The following ENPEP variants were observed in gnomAD, a reference collection of about 807,000 sequenced individuals.
ENPEP encodes the protein glutamyl aminopeptidase.
ENPEP carries 103 observed loss-of-function variants against 114.5 expected under a neutral mutation model. The ratio of observed to expected loss-of-function variants is 0.90; its 90% CI spans 0.77 to 1.06. The LOEUF (loss-of-function observed/expected upper bound fraction) is 1.06, where lower values mean the gene tolerates loss of function less well. ENPEP is among the 50% of genes least tolerant of loss of function. ENPEP has a pLI of 0.00. For missense variants in ENPEP, 1,196 were observed against 1,161.3 expected, an observed-to-expected ratio of 1.03 and a Z score of -0.43; for synonymous variants, 420 against 422.0, an observed-to-expected ratio of 1.00 and a Z score of 0.06.
chr4:110,488,885 G>A (rs1578391593), intron 2 of ENPEP, among the ~76,000 whole-genome samples: 1 of 152,136 alleles, frequency 6.6e-6, no homozygotes, highest in Non-Finnish European at 1.5e-5. Flanking sequence ...CAGTAAGAAA[G>A]CCAGATTGGT....
chr4:110,537,645 A>G (rs912422558), intron 11 of ENPEP, among the ~76,000 whole-genome samples: 1 of 152,218 alleles, frequency 6.6e-6, no homozygotes, highest in Admixed American at 6.5e-5. Flanking sequence ...CTTATGAATC[A>G]TGAATGTTCT....
intron 1 of ENPEP, among the ~76,000 whole-genome samples, chr4:110,486,085 T>C (rs1348088174): frequency 6.6e-6 from 1 of 152,208 alleles, no homozygotes; most frequent in Non-Finnish European, 1.5e-5. Flanking sequence ...CTGATGATTT[T>C]TTAAAATAAT....
chr4:110,507,007 C>T (rs1044878144), intron 4 of ENPEP, among the ~76,000 whole-genome samples: 3 of 152,126 alleles, frequency 2.0e-5, no homozygotes, highest in African/African-American at 7.2e-5. Flanking sequence ...CTTGTGTTTC[C>T]AAATAAAGAT....
intron 11 of ENPEP, among the ~76,000 whole-genome samples, chr4:110,534,500 G>GTTCT (rs1726532301): frequency 7.8e-6 from 1 of 128,632 alleles, no homozygotes; most frequent in African/African-American, 2.9e-5. Flanking sequence ...TCTTTTCGTT[G>GTTCT]TTTCTTTTTT....
intron 18 of ENPEP, among the ~76,000 whole-genome samples, chr4:110,558,386 C>G (rs915540341): frequency 4.6e-5 from 7 of 151,446 alleles, no homozygotes; most frequent in African/African-American, 1.7e-4. Flanking sequence ...CTCCCCAGTT[C>G]AAGCGATCCT....
chr4:110,533,744 A>G (rs1242464530), intron 11 of ENPEP, among the ~76,000 whole-genome samples: 1 of 152,164 alleles, frequency 6.6e-6, no homozygotes, highest in Non-Finnish European at 1.5e-5. Flanking sequence ...TTGTCAATAC[A>G]TTTCACACAT....
chr4:110,499,225 C>T (rs866611971), intron 3 of ENPEP, among the ~76,000 whole-genome samples: 2 of 152,152 alleles, frequency 1.3e-5, no homozygotes, highest in Non-Finnish European at 1.5e-5. Flanking sequence ...ATGATACTAA[C>T]ACTTTTGATG....
rs1382190555 is a variant in ENPEP at position 110,561,750 on chromosome 4, A to T, written c.*192A>T. ...TTATGAAGAAAGATACTAATAGAGT[A>T]CTTAATATACTCAGGGATTCCTTCT... On this transcript the variant is annotated 3_prime_UTR_variant, in exon 20 of 20. Coordinates refer to ENST00000265162, the MANE Select transcript of ENPEP (RefSeq NM_001977.4). 3 of 498,012 alleles carry T rather than the reference A, an allele frequency of 6.0e-6. No individual in the cohort carries two copies. Among genetic ancestry groups the T allele is most frequent in the African/African-American group, 5.9e-5 (3 of 51,020 alleles). 30.8% of individuals were successfully genotyped at this position (498,012 alleles called of 1,614,324 possible).
intron 13 of ENPEP, 34 bp from the exon 14 acceptor site, chr4:110,548,137 GAGTTT>G (rs1727137553): frequency 2.4e-6 from 3 of 1,231,926 alleles, no homozygotes; most frequent in South Asian, 2.0e-5. Flanking sequence ...AATTAACTGT[GAGTTT>G]TTTTTTTTTT....
chr4:110,534,500 G>GTTC (rs1726532301), intron 11 of ENPEP, among the ~76,000 whole-genome samples: 1 of 128,634 alleles, frequency 7.8e-6, no homozygotes, highest in Non-Finnish European at 1.6e-5. Flanking sequence ...TCTTTTCGTT[G>GTTC]TTTCTTTTTT....
At chr4:110,489,827 A>G (rs1344670276) in intron 2 of ENPEP, among the ~76,000 whole-genome samples, 1 of 152,190 alleles carries the variant, frequency 6.6e-6, no homozygotes, top group Non-Finnish European at 1.5e-5. Context: ...TATGTCTCCC[A>G]TCTTTCTGAT....
intron 17 of ENPEP, among the ~76,000 whole-genome samples, chr4:110,550,848 C>T (rs1354223998): frequency 3.9e-5 from 6 of 151,982 alleles, no homozygotes; most frequent in East Asian, 1.9e-4. Flanking sequence ...TTTAAAAGGA[C>T]GACCAGAAGC....
chr4:110,500,313 A>T (rs572975064), intron 3 of ENPEP: 13 of 152,320 alleles, frequency 8.5e-5, no homozygotes, highest in African/African-American at 2.9e-4. Context: ...AGCTATGTTA[A>T]AGCAGATATG....
chr4:110,479,530 ATG>A (rs1334070293), intron 1 of ENPEP, among the ~76,000 whole-genome samples: 1 of 152,144 alleles, frequency 6.6e-6, no homozygotes, highest in Non-Finnish European at 1.5e-5. Context: ...ATGTGTATGC[ATG>A]TGTGTGTGTC....
intron 5 of ENPEP, 70 bp from the exon 6 acceptor site, chr4:110,510,175 T>C (rs1725522191): frequency 1.6e-6 from 2 of 1,285,762 alleles, no homozygotes; most frequent in Admixed American, 3.5e-5. Context: ...AATAAATGTT[T>C]TGACATTTTC....
At chr4:110,505,614 T>C (rs1159409169) in intron 3 of ENPEP, among the ~76,000 whole-genome samples, 1 of 152,232 alleles carries the variant, frequency 6.6e-6, no homozygotes, top group Non-Finnish European at 1.5e-5. Flanking sequence ...AATATTTTCT[T>C]TTTTTCTTGT....
At chr4:110,487,653 T>C (rs577421285) in intron 1 of ENPEP, among the ~76,000 whole-genome samples, 1 of 152,344 alleles carries the variant, frequency 6.6e-6, no homozygotes, top group African/African-American at 2.4e-5. Context: ...GGACAAAATT[T>C]TTGTTTGTAC....
At chr4:110,545,297 G>A (rs1727013196) in intron 13 of ENPEP, among the ~76,000 whole-genome samples, 1 of 152,056 alleles carries the variant, frequency 6.6e-6, no homozygotes, top group Non-Finnish European at 1.5e-5. Flanking sequence ...GATGTGAAGA[G>A]GTAGTACTCC....
At chr4:110,509,563 A>G in intron 4 of ENPEP, 90 bp from the exon 5 acceptor site, 2 of 1,475,408 alleles carry the variant, frequency 1.4e-6, no homozygotes, top group Non-Finnish European at 1.8e-6. Flanking sequence ...GCTTTTAAAA[A>G]ACATTCATCC....
Sources: allele counts gnomAD v4.1 joint callset (sites outside exome capture counted in the v4.1 genomes callset), GRCh38; gene constraint gnomAD v4.1.1; transcripts MANE v1.5; gene names NCBI Gene and HGNC (gene_info 2026-07-23, HGNC 2026-07-21).